Variants in PDE4D observed in about 807,000 individuals in gnomAD.
PDE4D encodes the protein 3',5'-cyclic-AMP phosphodiesterase 4D.
In PDE4D, 24 loss-of-function variants were observed where a neutral mutation model predicts 87.4. The observed-to-expected ratio is 0.27, with a 90% confidence interval of 0.20 to 0.39. The LOEUF (loss-of-function observed/expected upper bound fraction) is 0.39, where lower values mean the gene tolerates loss of function less well. Ranked by LOEUF, PDE4D falls within the 10% of genes least tolerant of loss-of-function variation. The probability of loss-of-function intolerance (pLI) is 1.00; values close to 1 mark genes in which losing one functional copy is unlikely to be tolerated. For synonymous variants in PDE4D, 384 were observed against 383.2 expected, an observed-to-expected ratio of 1.00 and a Z score of -0.02; for missense variants, 714 against 1,041.0, an observed-to-expected ratio of 0.69 and a Z score of 4.32.
chr5:59,501,093 C>T (rs1430029656), intron 1 of PDE4D, among the ~76,000 whole-genome samples: 1 of 152,188 alleles, frequency 6.6e-6, no homozygotes. Context: ...TCTCTCCATT[C>T]ATTGTATTCT....
chr5:59,217,767 C>T (rs1042400874), intron 1 of PDE4D, among the ~76,000 whole-genome samples: 6 of 152,096 alleles, frequency 3.9e-5, no homozygotes, highest in Non-Finnish European at 5.9e-5. Flanking sequence ...ATATGTGGCA[C>T]CCAAACAGGG....
chr5:59,891,167 A>C (rs1750898853), intron 1 of PDE4D, among the ~76,000 whole-genome samples: 1 of 152,244 alleles, frequency 6.6e-6, no homozygotes, highest in African/African-American at 2.4e-5. Flanking sequence ...AAAAATTTCA[A>C]ATAGAACAAT....
rs1245594623 is a variant in PDE4D at position 59,031,577 on chromosome 5, G to A, written c.921+7282C>T. Among the ~76,000 whole-genome samples, 7 of 147,954 alleles carry A rather than the reference G, an allele frequency of 4.7e-5. 1 individual carries two copies. The highest frequency in any genetic ancestry group is 7.1e-3 in the Middle Eastern group (2 of 280). ...CAAAAAATTAGTGGGGCGTGGTAGC[G>A]GGCGCCTGTAGTCCCAGCTACTCAG... On this transcript the variant is annotated intron_variant, in intron 6 of 14. Transcript: ENST00000340635.
chr5:59,244,804 T>G (rs114573864), intron 1 of PDE4D, among the ~76,000 whole-genome samples: 8,460 of 150,292 alleles, frequency 0.056, 292 homozygotes, highest in Middle Eastern at 0.14. Context: ...TATATATGTG[T>G]GTGTGTGAGC....
chr5:60,221,241 T>C (rs569148809), intron 1 of PDE4D, among the ~76,000 whole-genome samples: 3 of 152,094 alleles, frequency 2.0e-5, no homozygotes, highest in South Asian at 2.1e-4. Context: ...ATTTATTTTT[T>C]AAATGCATGA....
chr5:60,250,903 C>A (rs1442493748), intron 1 of PDE4D, among the ~76,000 whole-genome samples: 1 of 151,736 alleles, frequency 6.6e-6, no homozygotes, highest in African/African-American at 2.4e-5. Context: ...ATGTTATTGC[C>A]CCTGAAAATC....
intron 1 of PDE4D, among the ~76,000 whole-genome samples, chr5:59,735,897 C>T (rs969548911): frequency 3.9e-5 from 6 of 151,954 alleles, no homozygotes; most frequent in Non-Finnish European, 8.8e-5. Flanking sequence ...TTGAACTCCT[C>T]GTCTCAAATG....
chr5:60,065,769 A>G (rs942250706), intron 2 of PDE4D, among the ~76,000 whole-genome samples: 2 of 152,056 alleles, frequency 1.3e-5, no homozygotes, highest in East Asian at 1.9e-4. Flanking sequence ...TGAACTCATC[A>G]TGTTTTATGG....
intron 1 of PDE4D, among the ~76,000 whole-genome samples, chr5:59,866,871 G>T (rs1387846907): frequency 3.3e-5 from 5 of 152,164 alleles, no homozygotes; most frequent in African/African-American, 1.2e-4. Flanking sequence ...AATGTCTAAT[G>T]AAGTTTTAGG....
chr5:60,014,257 T>C (rs1416187278), intron 2 of PDE4D, among the ~76,000 whole-genome samples: 1 of 152,136 alleles, frequency 6.6e-6, no homozygotes, highest in African/African-American at 2.4e-5. Context: ...TGACTAAATG[T>C]AGCCACGTAA....
chr5:59,543,439 T>C (rs978986614), intron 1 of PDE4D, among the ~76,000 whole-genome samples: 2 of 152,010 alleles, frequency 1.3e-5, no homozygotes, highest in African/African-American at 4.8e-5. Context: ...CACCAATTAG[T>C]GAAATTCATA....
chr5:60,114,854 A>G (rs1777994727), intron 2 of PDE4D, among the ~76,000 whole-genome samples: 1 of 151,656 alleles, frequency 6.6e-6, no homozygotes, highest in Non-Finnish European at 1.5e-5. Context: ...GTGTATAAAT[A>G]CATATAACTA....
chr5:59,925,873 A>G (rs749535227), intron 3 of PDE4D, among the ~76,000 whole-genome samples: 6 of 152,216 alleles, frequency 3.9e-5, no homozygotes, highest in Non-Finnish European at 8.8e-5. Flanking sequence ...TAAAGCAAAT[A>G]TTATTAGAGC....
intron 3 of PDE4D, among the ~76,000 whole-genome samples, chr5:59,945,652 G>A (rs544157531): frequency 5.3e-5 from 8 of 152,218 alleles, no homozygotes; most frequent in South Asian, 4.2e-4. Flanking sequence ...TAACATTTGC[G>A]TGTCATAGGA....
chr5:59,078,196 C>A (rs980026647), intron 5 of PDE4D, among the ~76,000 whole-genome samples: 7 of 152,058 alleles, frequency 4.6e-5, no homozygotes, highest in African/African-American at 7.2e-5. Context: ...TAAAAAAGGC[C>A]ATCAGTAAGA....
intron 5 of PDE4D, among the ~76,000 whole-genome samples, chr5:59,170,899 G>C (rs1463328896): frequency 1.6e-5 from 1 of 64,458 alleles, no homozygotes; most frequent in African/African-American, 6.0e-5. Flanking sequence ...TTTTTTTTTT[G>C]AGATGAAGTT....
chr5:59,215,755 C>T, intron 2 of PDE4D, 22 bp downstream of exon 2: 3 of 1,608,304 alleles, frequency 1.9e-6, no homozygotes, highest in Non-Finnish European at 2.6e-6. Flanking sequence ...TTTTCTCTCT[C>T]TTTGCCTGCC....
At chr5:60,015,865 C>A (rs1765454567) in intron 2 of PDE4D, among the ~76,000 whole-genome samples, 2 of 151,726 alleles carry the variant, frequency 1.3e-5, no homozygotes, top group South Asian at 4.2e-4. Context: ...GACTCACCAA[C>A]TTCCATGACC....
intron 1 of PDE4D, among the ~76,000 whole-genome samples, chr5:59,744,888 A>T (rs1280963429): frequency 6.6e-6 from 1 of 152,192 alleles, no homozygotes. Flanking sequence ...TTATTTCTGA[A>T]TGCCTGATTT....
Sources: gnomAD v4.1 joint callset for allele counts (sites outside exome capture counted in the v4.1 genomes callset) on GRCh38, gnomAD v4.1.1 for gene constraint, MANE v1.5 for transcripts, NCBI Gene and HGNC (gene_info 2026-07-23, HGNC 2026-07-21) for gene names.